MAGI3: variants seen among roughly 807,000 people sequenced by gnomAD.
MAGI3 encodes membrane associated guanylate kinase, WW and PDZ domain containing 3.
Under a neutral mutation model 121.8 loss-of-function variants are expected in MAGI3, and 43 were observed. That is an observed-to-expected ratio of 0.35 (90% CI 0.28 to 0.46). The LOEUF is 0.46. Ranked by LOEUF, MAGI3 falls within the 20% of genes least tolerant of loss-of-function variation. MAGI3 has a pLI of 1.00. For missense variants in MAGI3, 1,547 were observed against 1,797.3 expected (o/e 0.86, Z 2.52); for synonymous variants, 553 against 639.3 (o/e 0.86, Z 2.04).
At chr1:113,682,199 CT>C (rs1648264575) in intron 20 of MAGI3, 1 of 1,552,688 alleles carries the variant, frequency 6.4e-7, no homozygotes, top group East Asian at 2.3e-5. Context: ...GGCTTTTTCT[CT>C]TCCCTCTTCA....
intron 1 of MAGI3, among the ~76,000 whole-genome samples, chr1:113,410,776 T>C (rs182581840): frequency 6.6e-6 from 1 of 152,240 alleles, no homozygotes; most frequent in Admixed American, 6.5e-5. Context: ...AATTATGATA[T>C]CCCAGGTTAT....
At chr1:113,525,686 T>A (rs1658416154) in intron 1 of MAGI3, among the ~76,000 whole-genome samples, 1 of 152,010 alleles carries the variant, frequency 6.6e-6, no homozygotes, top group Non-Finnish European at 1.5e-5. Flanking sequence ...AAATAAATAA[T>A]GGAGATAATT....
chr1:113,462,309 C>T (rs1655075484), intron 1 of MAGI3, among the ~76,000 whole-genome samples: 1 of 152,140 alleles, frequency 6.6e-6, no homozygotes, highest in Non-Finnish European at 1.5e-5. Context: ...GTGGAATCAA[C>T]CTAAATGCCC....
At chr1:113,599,013 T>C (rs1217222) in intron 6 of MAGI3, among the ~76,000 whole-genome samples, 75,220 of 151,996 alleles carry the variant, frequency 0.49, 19,456 homozygotes, top group African/African-American at 0.63. Context: ...GCTTTGAATG[T>C]GTCCCAGAGA....
intron 1 of MAGI3, chr1:113,450,516 G>C: frequency 9.9e-7 from 1 of 1,012,946 alleles, no homozygotes; most frequent in South Asian, 1.3e-5. Flanking sequence ...GGAGGTGGTG[G>C]AGGATATGAT....
chr1:113,539,790 C>CT (rs1164684531), intron 1 of MAGI3, among the ~76,000 whole-genome samples: 293 of 137,422 alleles, frequency 2.1e-3, no homozygotes, highest in South Asian at 2.1e-3. Context: ...TGAAGCATTA[C>CT]TTTTTTTTTT....
intron 2 of MAGI3, among the ~76,000 whole-genome samples, chr1:113,557,681 T>C (rs1428595187): frequency 6.6e-6 from 1 of 152,172 alleles, no homozygotes; most frequent in Non-Finnish European, 1.5e-5. Flanking sequence ...AATAGGGAGC[T>C]GAAGGGATCC....
At chr1:113,549,475 T>C in intron 1 of MAGI3, 40 bp from the exon 2 acceptor site, 1 of 1,120,070 alleles carries the variant, frequency 8.9e-7, no homozygotes, top group East Asian at 2.4e-5. Flanking sequence ...CTAAAAATTA[T>C]GCATTTATTT....
intron 8 of MAGI3, among the ~76,000 whole-genome samples, chr1:113,621,237 TG>T (rs933850985): frequency 1.3e-5 from 2 of 152,172 alleles, no homozygotes; most frequent in African/African-American, 4.8e-5. Context: ...CAAGTAGGTG[TG>T]GTTACAGCAT....
chr1:113,653,648 A>G (rs1653304514), intron 14 of MAGI3, among the ~76,000 whole-genome samples, 182 bp from the exon 15 acceptor site: 1 of 152,058 alleles, frequency 6.6e-6, no homozygotes, highest in Non-Finnish European at 1.5e-5. Flanking sequence ...GGGAAGTCGG[A>G]TGGACTGCTG....
At chr1:113,653,193 T>G (rs959787035) in intron 14 of MAGI3, among the ~76,000 whole-genome samples, 3 of 152,238 alleles carry the variant, frequency 2.0e-5, no homozygotes, top group Non-Finnish European at 4.4e-5. Context: ...ATATTTATAA[T>G]TGATTTTAAA....
intron 1 of MAGI3, among the ~76,000 whole-genome samples, chr1:113,413,554 C>G (rs769998659): frequency 1.3e-5 from 2 of 152,000 alleles, no homozygotes; most frequent in East Asian, 1.9e-4. Context: ...TTAATTTCAT[C>G]GAGCAGTGGT....
At chr1:113,503,706 A>T (rs1165326797) in intron 1 of MAGI3, among the ~76,000 whole-genome samples, 1 of 152,160 alleles carries the variant, frequency 6.6e-6, no homozygotes, top group Non-Finnish European at 1.5e-5. Flanking sequence ...AGATACTAAG[A>T]ACATTACACT....
chr1:113,645,843 C>G (rs959576066), intron 11 of MAGI3, among the ~76,000 whole-genome samples: 2 of 152,148 alleles, frequency 1.3e-5, no homozygotes, highest in African/African-American at 2.4e-5. Flanking sequence ...TTAAATAAGT[C>G]ATTTTGCTTG....
chr1:113,619,210 T>C (rs1650673093), intron 7 of MAGI3, among the ~76,000 whole-genome samples: 1 of 152,212 alleles, frequency 6.6e-6, no homozygotes, highest in Admixed American at 6.5e-5. Flanking sequence ...GAAAGAGTTA[T>C]TCTATACTAT....
intron 2 of MAGI3, among the ~76,000 whole-genome samples, chr1:113,566,678 G>C (rs561864749): frequency 1.3e-5 from 2 of 152,066 alleles, no homozygotes; most frequent in South Asian, 4.1e-4. Flanking sequence ...TACATGGAAA[G>C]TAAACAGTGT....
At chr1:113,557,292 G>C (rs1479160152) in intron 2 of MAGI3, among the ~76,000 whole-genome samples, 1 of 152,000 alleles carries the variant, frequency 6.6e-6, no homozygotes, top group Admixed American at 6.5e-5. Flanking sequence ...ACAGAGCTCT[G>C]ATCTCTCCCT....
chr1:113,515,638 A>AT (rs1657861292), intron 1 of MAGI3, among the ~76,000 whole-genome samples: 1 of 152,034 alleles, frequency 6.6e-6, no homozygotes, highest in East Asian at 1.9e-4. Flanking sequence ...GTTCAAGACC[A>AT]TTTTTTCAGC....
intron 1 of MAGI3, among the ~76,000 whole-genome samples, chr1:113,401,025 T>C (rs1651370181): frequency 6.6e-6 from 1 of 152,180 alleles, no homozygotes; most frequent in South Asian, 2.1e-4. Context: ...ATTTGGTTTA[T>C]AAGGATGTAT....
Sources: gnomAD v4.1 joint callset for allele counts (sites outside exome capture counted in the v4.1 genomes callset) on GRCh38, gnomAD v4.1.1 for gene constraint, MANE v1.5 for transcripts, NCBI Gene and HGNC (gene_info 2026-07-23, HGNC 2026-07-21) for gene names.